Variants in RPS6KC1 observed in about 807,000 individuals in gnomAD.
RPS6KC1 encodes the protein inactive ribosomal protein S6 kinase delta-1.
RPS6KC1 carries 54 observed loss-of-function variants against 103.8 expected under a neutral mutation model. The ratio of observed to expected loss-of-function variants is 0.52; its 90% CI spans 0.42 to 0.65. The LOEUF is 0.65. Among genes scored for constraint, RPS6KC1 ranks in the 30% least tolerant of loss-of-function variants. The pLI, the probability that RPS6KC1 is intolerant of heterozygous loss-of-function variation, is 0.00. For synonymous variants in RPS6KC1, 439 were observed against 438.7 expected (o/e 1.00, Z -0.01); for missense variants, 1,151 against 1,253.8 (o/e 0.92, Z 1.24).
the RPS6KC1 span, among the ~76,000 whole-genome samples, chr1:213,784,904 C>T: frequency 6.6e-6 from 1 of 152,170 alleles, no homozygotes; most frequent in African/African-American, 2.4e-5. Flanking sequence ...TCCCTAGCCC[C>T]TTAGGGCCTT....
the RPS6KC1 span, among the ~76,000 whole-genome samples, chr1:213,551,851 G>T: frequency 6.6e-6 from 1 of 152,110 alleles, no homozygotes; most frequent in African/African-American, 2.4e-5. Flanking sequence ...TCTGTGCTCT[G>T]CCTATTCATC....
the RPS6KC1 span, among the ~76,000 whole-genome samples, chr1:213,661,984 A>C: frequency 6.6e-6 from 1 of 152,164 alleles, no homozygotes; most frequent in South Asian, 2.1e-4. Context: ...CTGAATTCCT[A>C]TTAATGTGGC....
chr1:213,546,791 C>G, the RPS6KC1 span, among the ~76,000 whole-genome samples: 3 of 152,172 alleles, frequency 2.0e-5, no homozygotes, highest in African/African-American at 7.2e-5. Flanking sequence ...AACATTTTGC[C>G]TCAGTATGGT....
intron 4 of RPS6KC1, among the ~76,000 whole-genome samples, chr1:213,110,040 ATG>A (rs1471264816): frequency 6.6e-6 from 1 of 152,198 alleles, no homozygotes; most frequent in Non-Finnish European, 1.5e-5. Flanking sequence ...TATGGCTGTT[ATG>A]AAAAATGCTT....
the RPS6KC1 span, among the ~76,000 whole-genome samples, chr1:213,434,768 C>T: frequency 6.8e-6 from 1 of 148,144 alleles, no homozygotes; most frequent in Admixed American, 6.9e-5. Context: ...CTTTGTTTCT[C>T]TATATAACTG....
chr1:213,220,132 A>C (rs1446547962), intron 8 of RPS6KC1, among the ~76,000 whole-genome samples: 1 of 151,536 alleles, frequency 6.6e-6, no homozygotes, highest in East Asian at 1.9e-4. Context: ...ATTTACATTC[A>C]ACAGGTTATG....
the RPS6KC1 span, among the ~76,000 whole-genome samples, chr1:213,704,976 G>GTC: frequency 6.6e-6 from 1 of 152,206 alleles, no homozygotes; most frequent in African/African-American, 2.4e-5. Flanking sequence ...AACAAATGGA[G>GTC]TCTCTCTCTC....
intron 6 of RPS6KC1, among the ~76,000 whole-genome samples, chr1:213,148,627 T>G (rs2088186060): frequency 6.6e-6 from 1 of 152,146 alleles, no homozygotes; most frequent in Non-Finnish European, 1.5e-5. Context: ...GAGATATTGG[T>G]CTATGGTTTT....
the RPS6KC1 span, among the ~76,000 whole-genome samples, chr1:213,616,654 A>G: frequency 6.6e-6 from 1 of 152,208 alleles, no homozygotes; most frequent in Non-Finnish European, 1.5e-5. Context: ...CTAAAAAATA[A>G]TAAAATCCAG....
chr1:213,094,352 A>G (rs1181232315), intron 3 of RPS6KC1, among the ~76,000 whole-genome samples: 1 of 151,712 alleles, frequency 6.6e-6, no homozygotes, highest in African/African-American at 2.4e-5. Flanking sequence ...GTCCATCTTC[A>G]GATTTCTGTA....
chr1:213,745,593 G>A, the RPS6KC1 span, among the ~76,000 whole-genome samples: 1 of 152,058 alleles, frequency 6.6e-6, no homozygotes, highest in African/African-American at 2.4e-5. Flanking sequence ...TCTTGTCTGA[G>A]CGCCCAGCCC....
chr1:213,259,434 G>C (rs889731428), intron 12 of RPS6KC1, among the ~76,000 whole-genome samples: 1 of 152,010 alleles, frequency 6.6e-6, no homozygotes, highest in African/African-American at 2.4e-5. Context: ...GTGGTGGCAC[G>C]CACCTGTAGT....
chr1:213,664,665 A>T, the RPS6KC1 span, among the ~76,000 whole-genome samples: 1 of 152,196 alleles, frequency 6.6e-6, no homozygotes, highest in African/African-American at 2.4e-5. Context: ...CTGTCCAGCC[A>T]ATGGGCTGGC....
the RPS6KC1 span, among the ~76,000 whole-genome samples, chr1:213,285,204 C>T: frequency 1.3e-5 from 2 of 152,170 alleles, no homozygotes; most frequent in African/African-American, 2.4e-5. Context: ...GCTGTGTCCT[C>T]ACACAGGGGA....
At chr1:213,603,835 G>C in the RPS6KC1 span, among the ~76,000 whole-genome samples, 9 of 151,766 alleles carry the variant, frequency 5.9e-5, no homozygotes, top group Non-Finnish European at 1.2e-4. Context: ...ACTCCAGCCC[G>C]GGCGACAGAG....
the RPS6KC1 span, among the ~76,000 whole-genome samples, chr1:213,760,116 C>G: frequency 1.3e-5 from 2 of 151,728 alleles, no homozygotes; most frequent in African/African-American, 2.4e-5. Flanking sequence ...TCTGTGATGC[C>G]GAATCCTTCT....
At chr1:213,179,870 A>G (rs984451059) in intron 8 of RPS6KC1, among the ~76,000 whole-genome samples, 1 of 152,198 alleles carries the variant, frequency 6.6e-6, no homozygotes, top group African/African-American at 2.4e-5. Flanking sequence ...TGGGTGCTCA[A>G]TAAATATTTG....
chr1:213,397,951 T>C, the RPS6KC1 span, among the ~76,000 whole-genome samples: 1 of 152,196 alleles, frequency 6.6e-6, no homozygotes, highest in African/African-American at 2.4e-5. Context: ...TGGGCAGTGC[T>C]AGGCTGAAGG....
At chr1:213,401,098 T>C in the RPS6KC1 span, among the ~76,000 whole-genome samples, 1 of 152,170 alleles carries the variant, frequency 6.6e-6, no homozygotes, top group Non-Finnish European at 1.5e-5. Context: ...TCCAGGGCCA[T>C]GCTTAGAGCC....
Sources: gnomAD v4.1 joint callset for allele counts (sites outside exome capture counted in the v4.1 genomes callset) on GRCh38, gnomAD v4.1.1 for gene constraint, MANE v1.5 for transcripts, NCBI Gene and HGNC (gene_info 2026-07-23, HGNC 2026-07-21) for gene names.